Variants in WDR33 observed in about 807,000 individuals in gnomAD.
The protein encoded by WDR33 is WD repeat domain 33.
In WDR33, 47 loss-of-function variants were observed where a neutral mutation model predicts 164.9. The observed-to-expected ratio is 0.29, with a 90% confidence interval of 0.23 to 0.36. WDR33 has a LOEUF of 0.36. Among genes scored for constraint, WDR33 ranks in the 10% least tolerant of loss-of-function variants. WDR33 has a pLI of 1.00. For synonymous variants in WDR33, 505 were observed against 589.0 expected, an observed-to-expected ratio of 0.86 and a Z score of 2.06; for missense variants, 1,137 against 1,754.1, an observed-to-expected ratio of 0.65 and a Z score of 6.28.
chr2:127,702,875 C>G lies in WDR33; in HGVS notation c.*3448G>C, dbSNP rs1255813583. On this transcript the variant is annotated 3_prime_UTR_variant, in exon 22 of 22. Coordinates refer to ENST00000322313, the MANE Select transcript of WDR33 (RefSeq NM_018383.5). ...CAGGAAGGGGCGCGTAGATGCTTAACGGTCTCTTCGGAAATCCTGCAAATA... is the reference window on the plus strand; with the variant it reads ...CAGGAAGGGGCGCGTAGATGCTTAAGGGTCTCTTCGGAAATCCTGCAAATA... The G allele has an allele frequency of 6.0e-6, 1 of 166,796 alleles. No individual in the cohort carries two copies. Among genetic ancestry groups the G allele is most frequent in the African/African-American group, 2.4e-5 (1 of 41,450 alleles). 10.3% of individuals were successfully genotyped at this position (166,796 alleles called of 1,614,324 possible). A position where few individuals can be genotyped will look rare whatever the true frequency, so the allele number is the denominator to read the frequency against.
chr2:127,796,877 C>T (rs1052348013), intron 1 of WDR33, among the ~76,000 whole-genome samples: 15 of 151,942 alleles, frequency 9.9e-5, no homozygotes, highest in African/African-American at 3.4e-4. Context: ...GAGTTAACAA[C>T]AAAAAATAAT....
chr2:127,788,363 G>A (rs1165772019), intron 1 of WDR33, among the ~76,000 whole-genome samples: 1 of 111,756 alleles, frequency 8.9e-6, no homozygotes, highest in Non-Finnish European at 1.9e-5. Context: ...CTTCCCAGTA[G>A]GGGCGGCCGG....
intron 1 of WDR33, among the ~76,000 whole-genome samples, chr2:127,788,691 G>A (rs1180375247): frequency 6.7e-6 from 1 of 148,518 alleles, no homozygotes; most frequent in African/African-American, 2.5e-5. Context: ...GGCTGGCCAG[G>A]TGGGGGGCTG....
Position 127,702,231 on chromosome 2 carries a change from C to T in WDR33, c.*4092G>A. On this transcript the variant is annotated 3_prime_UTR_variant, in exon 22 of 22. Transcript: ENST00000322313. Reference sequence around the variant, plus strand: ...ACGCGGAGCCAGCGCCGTCGGAGACCGCGCCGGCCGAGCTGAGGACTGCAC... The same window carrying T: ...ACGCGGAGCCAGCGCCGTCGGAGACTGCGCCGGCCGAGCTGAGGACTGCAC... 8.4e-7 allele frequency: 1 copy of T among 1,190,212 alleles called. No individual in the cohort carries two copies. The highest frequency in any genetic ancestry group is 1.0e-6 in the Non-Finnish European group (1 of 954,104). The allele number at this position is 1,190,212 out of a possible 1,614,324, so 73.7% of individuals were successfully genotyped here. A position where few individuals can be genotyped will look rare whatever the true frequency, so the allele number is the denominator to read the frequency against.
rs193248684 is a variant in WDR33, at chr2:127,735,117, G to A, written c.725-8340C>T. The stretch of plus-strand genomic sequence containing the variant: ...GTTCATTATTCCCTGTCCCAGAACC[G>A]TAAAGTGTAGTGCAGTGAAGGCTAG... On this transcript the variant is annotated intron_variant, in intron 7 of 21. Coordinates refer to ENST00000322313, the MANE Select transcript of WDR33 (RefSeq NM_018383.5). The surrounding 1 kb of genome is among the most constrained non-coding windows in gnomAD (Gnocchi z 4.3). Among the ~76,000 whole-genome samples the A allele has an allele frequency of 6.6e-5, 10 of 152,322 alleles. No individual in the cohort carries two copies. The highest frequency in any genetic ancestry group is 9.6e-5 in the African/African-American group (4 of 41,572).
rs1288983626 is a variant in WDR33, at chr2:127,764,899, C to T, written c.555G>A (p.Val185=). The change falls in exon 6 of 22, where the codon GTG becomes GTA. Residue 185 remains valine, a synonymous_variant. Coordinates refer to ENST00000322313, the MANE Select transcript of WDR33 (RefSeq NM_018383.5). The surrounding 1 kb of genome is among the most constrained non-coding windows in gnomAD (Gnocchi z 6.2). ...WMLTADHGGY[V]KYWQSNMNNV... ...TGTTCATGTTCGACTGCCAATATTTCACATATCCTCCGTGGTCTGCTGTCA... is the reference window on the plus strand; with the variant it reads ...TGTTCATGTTCGACTGCCAATATTTTACATATCCTCCGTGGTCTGCTGTCA... 10 of 1,614,072 alleles carry T rather than the reference C, an allele frequency of 6.2e-6. No homozygotes were observed. The highest frequency in any genetic ancestry group is 7.6e-6 in the Non-Finnish European group (9 of 1,180,038).
chr2:127,719,249 T>C lies in WDR33; in HGVS notation c.2760+16A>G, dbSNP rs372624956. 9.3e-6 allele frequency: 13 copies of C among 1,402,950 alleles called. No homozygotes were observed. Among genetic ancestry groups the C allele is most frequent in the Non-Finnish European group, 1.0e-5 (11 of 1,078,608 alleles). 86.9% of individuals were successfully genotyped at this position (1,402,950 alleles called of 1,614,324 possible). On this transcript the variant is annotated intron_variant, in intron 16 of 21. Coordinates refer to ENST00000322313, the MANE Select transcript of WDR33 (RefSeq NM_018383.5). The surrounding 1 kb of genome is among the most constrained non-coding windows in gnomAD (Gnocchi z 6.5). Reference sequence around the variant, plus strand: ...GTATTTTCCCAATGTGCCCGTGAGTTGGAAATGAATAATACCTGGTTGAAG... The same window carrying C: ...GTATTTTCCCAATGTGCCCGTGAGTCGGAAATGAATAATACCTGGTTGAAG...
At chr2:127,711,495 G>A (rs1686160349) in intron 18 of WDR33, among the ~76,000 whole-genome samples, 1 of 150,170 alleles carries the variant, frequency 6.7e-6, no homozygotes, top group South Asian at 2.1e-4. Context: ...CAATAAGTCA[G>A]TGAACATTAC....
chr2:127,761,828 A>G (rs6713708), intron 7 of WDR33, among the ~76,000 whole-genome samples: 3,092 of 152,322 alleles, frequency 0.02, 98 homozygotes, highest in African/African-American at 0.068. Flanking sequence ...AACTCCCTCA[A>G]TGTGACAGGT....
chr2:127,788,339 A>T (rs868679908), intron 1 of WDR33, among the ~76,000 whole-genome samples: 180 of 60,314 alleles, frequency 3.0e-3, no homozygotes, highest in Middle Eastern at 0.013. Flanking sequence ...CTGGCCGGGC[A>T]GAGGGGCTCC....
chr2:127,758,354 C>T (rs949835746), intron 7 of WDR33, among the ~76,000 whole-genome samples: 2 of 152,108 alleles, frequency 1.3e-5, no homozygotes, highest in Non-Finnish European at 2.9e-5. Flanking sequence ...AATATTGGAG[C>T]CAAACAGGCT....
chr2:127,737,892 A>G, intron 7 of WDR33: 1 of 1,501,214 alleles, frequency 6.7e-7, no homozygotes. Flanking sequence ...GTTAACCCAT[A>G]GCCATCCACA....
chr2:127,761,679 CTGAACCTATTTTGCTT>C (rs1172767281), intron 7 of WDR33, among the ~76,000 whole-genome samples: 1 of 152,182 alleles, frequency 6.6e-6, no homozygotes, highest in Non-Finnish European at 1.5e-5. Context: ...AGTCCTGGCT[CTGAACCTATTTTGCTT>C]TGAACATGTC....
intron 1 of WDR33, among the ~76,000 whole-genome samples, chr2:127,776,045 G>A (rs935048852): frequency 2.6e-5 from 4 of 152,160 alleles, no homozygotes; most frequent in African/African-American, 9.7e-5. Context: ...GCCGCTGTTA[G>A]GGGCTGAAAT....
At chr2:127,775,226 T>C (rs1326962759) in intron 1 of WDR33, among the ~76,000 whole-genome samples, 2 of 152,210 alleles carry the variant, frequency 1.3e-5, no homozygotes, top group African/African-American at 4.8e-5. Context: ...TCTCACTGTA[T>C]TGCCCAGGCA....
chr2:127,807,936 G>A (rs1191536082), intron 1 of WDR33, among the ~76,000 whole-genome samples: 1 of 152,146 alleles, frequency 6.6e-6, no homozygotes, highest in African/African-American at 2.4e-5. Context: ...CTGTATTCCA[G>A]CCTGGGTGAC....
intron 7 of WDR33, among the ~76,000 whole-genome samples, chr2:127,749,880 G>A (rs1394556432): frequency 6.7e-6 from 1 of 149,630 alleles, no homozygotes; most frequent in East Asian, 2.0e-4. Flanking sequence ...CTGCCACCCA[G>A]GCTGGAGTAC....
At position 127,703,508 on chromosome 2, in the gene WDR33, C is replaced by T. The variant is rs563965146; in HGVS notation, c.*2815G>A. 6.0e-6 allele frequency: 1 copy of T among 167,120 alleles called. No homozygotes were observed. Among genetic ancestry groups the T allele is most frequent in the Non-Finnish European group, 1.5e-5 (1 of 68,160 alleles). The allele number at this position is 167,120 out of a possible 1,614,324, so 10.4% of individuals were successfully genotyped here. A position where few individuals can be genotyped will look rare whatever the true frequency, so the allele number is the denominator to read the frequency against. On this transcript the variant is annotated 3_prime_UTR_variant, in exon 22 of 22. Transcript: ENST00000322313. ...CTAAGTAAGTCAGGTCCCTAAGCCC[C>T]GTCCCAAGAAGTGACACAAGTGGCC...
intron 7 of WDR33, among the ~76,000 whole-genome samples, chr2:127,729,585 TC>T (rs1362192455): frequency 6.6e-6 from 1 of 151,098 alleles, no homozygotes; most frequent in African/African-American, 2.4e-5. Context: ...AACCTCCGCC[TC>T]CCGGGTTCAA....
Sources: allele counts gnomAD v4.1 joint callset (sites outside exome capture counted in the v4.1 genomes callset), GRCh38; gene constraint gnomAD v4.1.1; non-coding constraint Gnocchi (gnomAD v3.1); transcripts MANE v1.5; gene names NCBI Gene and HGNC (gene_info 2026-07-23, HGNC 2026-07-21).